CYTH3: variants seen among roughly 807,000 people sequenced by gnomAD.
The protein encoded by CYTH3 is cytohesin-3.
A neutral mutation model predicts 55.1 loss-of-function variants in CYTH3; 23 were observed. The observed-to-expected ratio is 0.42, with a 90% CI of 0.30 to 0.59. The LOEUF is 0.59. CYTH3 is among the 20% of genes least tolerant of loss of function. The pLI, the probability that CYTH3 is intolerant of heterozygous loss-of-function variation, is 0.20. For missense variants in CYTH3, 413 were observed against 524.8 expected (o/e 0.79, Z 2.08); for synonymous variants, 249 against 194.9 (o/e 1.28, Z -2.31).
intron 1 of CYTH3, among the ~76,000 whole-genome samples, chr7:6,193,519 C>G (rs1172979038): frequency 2.0e-5 from 3 of 152,192 alleles, no homozygotes; most frequent in African/African-American, 7.2e-5. Context: ...CCAAACTGGA[C>G]TAGCCACAGC....
chr7:6,268,173 T>C (rs1380642245), intron 1 of CYTH3, among the ~76,000 whole-genome samples: 2 of 152,100 alleles, frequency 1.3e-5, no homozygotes, highest in Non-Finnish European at 2.9e-5. Flanking sequence ...CTTGTAATTT[T>C]GTTTTGTTTT....
intron 1 of CYTH3, among the ~76,000 whole-genome samples, chr7:6,226,513 C>T (rs1779254694): frequency 6.6e-6 from 1 of 152,106 alleles, no homozygotes; most frequent in South Asian, 2.1e-4. Flanking sequence ...TCTCACAGTC[C>T]AGGAAAGAAG....
In CYTH3 at chr7:6,161,856, T is replaced by C. The variant is rs1782826167; in HGVS notation, c.*3088A>G. ...CTGACAGCCATCCACCCTCCAATCTTACTTCACTTTACAACCAAGTATCAA... is the reference window on the plus strand; with the variant it reads ...CTGACAGCCATCCACCCTCCAATCTCACTTCACTTTACAACCAAGTATCAA... On this transcript the variant is annotated 3_prime_UTR_variant, in exon 13 of 13. Coordinates refer to ENST00000350796, the MANE Select transcript of CYTH3 (RefSeq NM_004227.4). The C allele has an allele frequency of 6.6e-6, 1 of 152,640 alleles. No individual in the cohort carries two copies. Among genetic ancestry groups the C allele is most frequent in the African/African-American group, 2.4e-5 (1 of 41,456 alleles). 9.5% of individuals were successfully genotyped at this position (152,640 alleles called of 1,614,324 possible).
chr7:6,212,825 T>G (rs1237552968), intron 1 of CYTH3: 1 of 152,352 alleles, frequency 6.6e-6, no homozygotes, highest in South Asian at 2.1e-4. Flanking sequence ...ATGAACACTC[T>G]GATGGCTTCA....
At position 6,163,256 on chromosome 7, in the gene CYTH3, T is replaced by C. The variant is rs944610260; in HGVS notation, c.*1688A>G. On this transcript the variant is annotated 3_prime_UTR_variant, in exon 13 of 13. Coordinates refer to ENST00000350796, the MANE Select transcript of CYTH3 (RefSeq NM_004227.4). ...CTTCAAGGCAACTCAAAGAACAGTC[T>C]CCGCTGCTGAGAAGGAAACCTAGGT... 6.6e-6 allele frequency: 1 copy of C among 152,328 alleles called. No homozygotes were observed. Among genetic ancestry groups the C allele is most frequent in the Non-Finnish European group, 1.5e-5 (1 of 68,084 alleles). 9.4% of individuals were successfully genotyped at this position (152,328 alleles called of 1,614,324 possible).
chr7:6,208,788 A>G (rs1324533522), intron 1 of CYTH3, among the ~76,000 whole-genome samples: 1 of 152,146 alleles, frequency 6.6e-6, no homozygotes, highest in South Asian at 2.1e-4. Flanking sequence ...CAGCCTCCCA[A>G]GGTGTTGGGA....
intron 1 of CYTH3, 63 bp downstream of exon 1, chr7:6,272,411 A>AACC: frequency 2.3e-6 from 1 of 434,092 alleles, no homozygotes; most frequent in Admixed American, 3.8e-5. Flanking sequence ...CGCGCCCTCG[A>AACC]CCCCCAGCCC....
chr7:6,257,300 C>G (rs1780153910), intron 1 of CYTH3, among the ~76,000 whole-genome samples: 1 of 152,198 alleles, frequency 6.6e-6, no homozygotes, highest in South Asian at 2.1e-4. Context: ...CATACTCTAA[C>G]ACAAACAAAA....
rs188594779 is a variant in CYTH3 at position 6,230,040 on chromosome 7, A to G, written c.35-39509T>C. On this transcript the variant is annotated intron_variant, in intron 1 of 12. Transcript: ENST00000350796. Reference sequence around the variant, plus strand: ...TCCCAGCTACTCAGGAGGCTGAGGTAGGAGAATCGCTTGATCCTGGGAGGT... The same window carrying G: ...TCCCAGCTACTCAGGAGGCTGAGGTGGGAGAATCGCTTGATCCTGGGAGGT... 5.4e-4 allele frequency among the ~76,000 whole-genome samples: 82 copies of G among 151,650 alleles called. 1 individual carries two copies. The highest frequency in any genetic ancestry group is 4.3e-3 in the Admixed American group (66 of 15,238).
chr7:6,265,618 CAAAAA>C (rs111748997), intron 1 of CYTH3, among the ~76,000 whole-genome samples: 1 of 109,904 alleles, frequency 9.1e-6, no homozygotes, highest in African/African-American at 3.5e-5. Flanking sequence ...GACTCCATTT[CAAAAA>C]AAAAAAAAAA....
intron 1 of CYTH3, among the ~76,000 whole-genome samples, chr7:6,203,908 A>T (rs545019723): frequency 6.6e-6 from 1 of 152,178 alleles, no homozygotes; most frequent in South Asian, 2.1e-4. Context: ...TAGTAGAGAC[A>T]GGGTTTCACT....
chr7:6,185,425 C>G (rs12672310), intron 4 of CYTH3, among the ~76,000 whole-genome samples: 52,412 of 151,350 alleles, frequency 0.35, 13,964 homozygotes, highest in East Asian at 0.73. Context: ...GCCGGGTGCA[C>G]TGGGCTCACG....
intron 6 of CYTH3, chr7:6,173,109 C>A: frequency 2.0e-6 from 2 of 988,224 alleles, no homozygotes; most frequent in Non-Finnish European, 1.2e-6. Flanking sequence ...AGATGAAGAG[C>A]CCACGCGACT....
Position 6,167,566 on chromosome 7 carries a change from C to T in CYTH3, c.824-1756G>A, listed in dbSNP as rs1374691953. ...GCGGCCAAAGGCATCTTTTCAAAAACGTGGCAATCATGCCCCTCCGGCTTG... is the reference window on the plus strand; with the variant it reads ...GCGGCCAAAGGCATCTTTTCAAAAATGTGGCAATCATGCCCCTCCGGCTTG... On this transcript the variant is annotated intron_variant, in intron 9 of 12. Coordinates refer to ENST00000350796, the MANE Select transcript of CYTH3 (RefSeq NM_004227.4). The surrounding 1 kb of genome is among the most constrained non-coding windows in gnomAD (Gnocchi z 5.5). Among the ~76,000 whole-genome samples, 4 of 152,272 alleles carry T rather than the reference C, an allele frequency of 2.6e-5. No homozygotes were observed. The highest frequency in any genetic ancestry group is 1.5e-5 in the Non-Finnish European group (1 of 68,048).
chr7:6,223,641 C>T (rs1250513760), intron 1 of CYTH3, among the ~76,000 whole-genome samples: 1 of 151,890 alleles, frequency 6.6e-6, no homozygotes, highest in Non-Finnish European at 1.5e-5. Context: ...GCAGCATGCT[C>T]GTTAAGAGTC....
At chr7:6,211,502 C>T (rs1338592979) in intron 1 of CYTH3, among the ~76,000 whole-genome samples, 1 of 152,198 alleles carries the variant, frequency 6.6e-6, no homozygotes, top group African/African-American at 2.4e-5. Flanking sequence ...AAACGCATAA[C>T]ACAGCTGGGC....
At chr7:6,245,145 C>A (rs988480040) in intron 1 of CYTH3, among the ~76,000 whole-genome samples, 4 of 151,384 alleles carry the variant, frequency 2.6e-5, no homozygotes, top group Non-Finnish European at 5.9e-5. Flanking sequence ...TAAAATGTTA[C>A]AAAATTGCTA....
chr7:6,212,180 C>T (rs898133180), intron 1 of CYTH3, among the ~76,000 whole-genome samples: 1 of 152,182 alleles, frequency 6.6e-6, no homozygotes, highest in African/African-American at 2.4e-5. Context: ...GTTTCCCACA[C>T]TGGAGTATGG....
intron 1 of CYTH3, among the ~76,000 whole-genome samples, chr7:6,254,194 A>G (rs1780045240): frequency 6.6e-6 from 1 of 152,078 alleles, no homozygotes; most frequent in Non-Finnish European, 1.5e-5. Flanking sequence ...AAAAACAAAC[A>G]AACAACAACA....
Sources: gnomAD v4.1 joint callset for allele counts (sites outside exome capture counted in the v4.1 genomes callset) on GRCh38, gnomAD v4.1.1 for gene constraint, Gnocchi (gnomAD v3.1) non-coding constraint, MANE v1.5 for transcripts, NCBI Gene and HGNC (gene_info 2026-07-23, HGNC 2026-07-21) for gene names.